PCDHGA7: variants seen among roughly 807,000 people sequenced by gnomAD.
PCDHGA7 encodes protocadherin gamma subfamily A, 7, also known as protocadherin gamma-A7.
A neutral mutation model predicts 58.3 loss-of-function variants in PCDHGA7; 44 were observed. The observed-to-expected ratio is 0.75, with a 90% CI of 0.59 to 0.97. The LOEUF is 0.97. Among genes scored for constraint, PCDHGA7 ranks in the 50% least tolerant of loss-of-function variants. The pLI, the probability that PCDHGA7 is intolerant of heterozygous loss-of-function variation, is 0.00. For missense variants in PCDHGA7, 1,266 were observed against 1,188.7 expected, an observed-to-expected ratio of 1.06 and a Z score of -0.96; for synonymous variants, 516 against 504.2, an observed-to-expected ratio of 1.02 and a Z score of -0.31.
chr5:141,459,993 G>T (rs1320315247), intron 1 of PCDHGA7, among the ~76,000 whole-genome samples: 1 of 152,164 alleles, frequency 6.6e-6, no homozygotes, highest in African/African-American at 2.4e-5. Context: ...CAGGAGAATC[G>T]CTTGAACCCA....
At chr5:141,389,405 G>T (rs758428464) in intron 1 of PCDHGA7, 1 of 1,613,496 alleles carries the variant, frequency 6.2e-7, no homozygotes, top group South Asian at 1.1e-5. Context: ...CCATAAGCGC[G>T]GAGAGCGGGG....
At chr5:141,498,194 T>C (rs1014641829) in intron 2 of PCDHGA7, among the ~76,000 whole-genome samples, 16 of 152,254 alleles carry the variant, frequency 1.1e-4, no homozygotes, top group African/African-American at 3.6e-4. Context: ...ATTAACCAGC[T>C]AAAGAAAAGA....
Position 141,415,396 on chromosome 5 carries a change from G to A in PCDHGA7, c.2424+30073G>A, listed in dbSNP as rs11575962. 4,865 of 1,614,204 alleles carry A rather than the reference G, an allele frequency of 3.0e-3. 27 individuals are homozygous for A. The highest frequency in any genetic ancestry group is 0.011 in the Admixed American group (656 of 60,024). ...AGGAGGCGGCTTGACAGGTGTGTCC[G>A]GCTCGCACTTTGTGGGCGTGGACGG... On this transcript the variant is annotated intron_variant, in intron 1 of 3. Coordinates refer to ENST00000518325, the MANE Select transcript of PCDHGA7 (RefSeq NM_018920.4).
At chr5:141,423,874 A>T (rs1264795133) in intron 1 of PCDHGA7, 2 of 1,283,268 alleles carry the variant, frequency 1.6e-6, no homozygotes, top group African/African-American at 3.1e-5. Flanking sequence ...GTCATTTTTC[A>T]ATCTTGGCAT....
chr5:141,480,390 T>C (rs753766736), intron 1 of PCDHGA7, among the ~76,000 whole-genome samples: 14 of 151,350 alleles, frequency 9.3e-5, no homozygotes, highest in Non-Finnish European at 1.9e-4. Flanking sequence ...ACTTCAACCA[T>C]GGCAATAGAG....
At chr5:141,388,580 G>T (rs376569160) in intron 1 of PCDHGA7, 1 of 1,613,868 alleles carries the variant, frequency 6.2e-7, no homozygotes, top group Admixed American at 1.7e-5. Flanking sequence ...ACGTTCTAGT[G>T]ACTGATGCCA....
chr5:141,502,864 G>GGCTTTTTT (rs2099816401), intron 2 of PCDHGA7, among the ~76,000 whole-genome samples: 1 of 61,572 alleles, frequency 1.6e-5, no homozygotes, highest in Non-Finnish European at 3.0e-5. Flanking sequence ...CTGACTCTCT[G>GGCTTTTTT]TCTTTTTTTT....
In PCDHGA7 at chr5:141,431,048, A is replaced by T; in HGVS notation, c.2424+45725A>T. On this transcript the variant is annotated intron_variant, in intron 1 of 3. Transcript: ENST00000518325. This position sits in a 1 kb window ranked among gnomAD's most constrained non-coding sequence, Gnocchi z 4.8. ...CAGGATAGACCGGGAGGAGCTCTGT[A>T]TGGGGGCCATCAAGTGTCAATTAAA... 6.2e-7 allele frequency: 1 copy of T among 1,614,180 alleles called. No homozygotes were observed. The highest frequency in any genetic ancestry group is 1.1e-5 in the South Asian group (1 of 91,088).
chr5:141,417,768 C>A lies in PCDHGA7; in HGVS notation c.2424+32445C>A, dbSNP rs1444250512. On this transcript the variant is annotated intron_variant, in intron 1 of 3. Coordinates refer to ENST00000518325, the MANE Select transcript of PCDHGA7 (RefSeq NM_018920.4). ...ATTGCCAGCTCCGAGACCCGGGACT[C>A]CTCCTGTCCTGGGCCGAATGCTCTT... is the stretch of plus-strand genomic sequence containing the variant. 1.3e-5 allele frequency: 19 copies of A among 1,451,358 alleles called. No individual in the cohort carries two copies. In the South Asian group the frequency reaches 1.7e-4, roughly 13 times the overall value. The allele number at this position is 1,451,358 out of a possible 1,614,324, so 89.9% of individuals were successfully genotyped here. A position where few individuals can be genotyped will look rare whatever the true frequency, so the allele number is the denominator to read the frequency against.
At chr5:141,412,145 C>T (rs1335929166) in intron 1 of PCDHGA7, 1 of 152,210 alleles carries the variant, frequency 6.6e-6, no homozygotes, top group East Asian at 1.9e-4. Context: ...CTGATACAAA[C>T]TGCCTAAGAG....
rs202183643 is a variant in PCDHGA7 at position 141,490,646 on chromosome 5, C to T, written c.2425-4161C>T. 9 of 1,614,186 alleles carry T rather than the reference C, an allele frequency of 5.6e-6. No homozygotes were observed. Among genetic ancestry groups the T allele is most frequent in the African/African-American group, 2.7e-5 (2 of 75,054 alleles). ...GCTTACATCCTAGAAAACCGGCCTC[C>T]GGGCTCCCTTCTTTGCACTGTGGCT... On this transcript the variant is annotated intron_variant, in intron 1 of 3. Transcript: ENST00000518325. The surrounding 1 kb of genome is among the most constrained non-coding windows in gnomAD (Gnocchi z 5.4).
chr5:141,489,208 C>A lies in PCDHGA7; in HGVS notation c.2425-5599C>A. On this transcript the variant is annotated intron_variant, in intron 1 of 3. Coordinates refer to ENST00000518325, the MANE Select transcript of PCDHGA7 (RefSeq NM_018920.4). The surrounding 1 kb of genome is among the most constrained non-coding windows in gnomAD (Gnocchi z 4.5). The stretch of plus-strand genomic sequence containing the variant: ...GGTCTACCTTGGAGACAGGACAGCA[C>A]AGACTTACTCTCCACAAAGGGACTT... 1 of 1,451,152 alleles carries A rather than the reference C, an allele frequency of 6.9e-7. No individual in the cohort carries two copies. The highest frequency in any genetic ancestry group is 9.3e-7 in the Non-Finnish European group (1 of 1,072,112). 89.9% of individuals were successfully genotyped at this position (1,451,152 alleles called of 1,614,324 possible).
At chr5:141,398,437 C>G (rs2093656645) in intron 1 of PCDHGA7, 20 of 1,556,582 alleles carry the variant, frequency 1.3e-5, no homozygotes, top group Non-Finnish European at 1.8e-5. Flanking sequence ...AGCTTGTGCT[C>G]TGGAATTTGA....
intron 1 of PCDHGA7, chr5:141,402,944 G>C (rs1487270083): frequency 2.5e-6 from 4 of 1,592,136 alleles, no homozygotes; most frequent in African/African-American, 1.3e-5. Context: ...ATTCCAAAGC[G>C]AGGCAGCAAT....
chr5:141,438,037 G>A (rs2097925203), intron 1 of PCDHGA7, among the ~76,000 whole-genome samples: 1 of 151,910 alleles, frequency 6.6e-6, no homozygotes, highest in African/African-American at 2.4e-5. Flanking sequence ...CACCATGCCC[G>A]ACCACTTTGA....
At chr5:141,508,123 G>A (rs989767852) in intron 3 of PCDHGA7, 1 of 152,616 alleles carries the variant, frequency 6.6e-6, no homozygotes, top group Non-Finnish European at 1.5e-5. Context: ...GAGGACAGAG[G>A]GAGGTCAGGG....
At chr5:141,399,592 G>A (rs1385029299) in intron 1 of PCDHGA7, 4 of 1,613,880 alleles carry the variant, frequency 2.5e-6, no homozygotes, top group Non-Finnish European at 3.4e-6. Flanking sequence ...CTCTATCATG[G>A]CCAGCGACCT....
intron 1 of PCDHGA7, among the ~76,000 whole-genome samples, chr5:141,425,915 C>G (rs537499239): frequency 1.3e-5 from 2 of 152,336 alleles, no homozygotes; most frequent in East Asian, 3.9e-4. Context: ...AAAACAGTCA[C>G]TACGAAAACT....
intron 2 of PCDHGA7, among the ~76,000 whole-genome samples, chr5:141,495,550 G>A (rs999176899): frequency 6.6e-6 from 1 of 151,958 alleles, no homozygotes; most frequent in Non-Finnish European, 1.5e-5. Context: ...TCTCTATCTC[G>A]CTTTGCAATC....
Sources: gnomAD v4.1 joint callset for allele counts (sites outside exome capture counted in the v4.1 genomes callset) on GRCh38, gnomAD v4.1.1 for gene constraint, Gnocchi (gnomAD v3.1) non-coding constraint, MANE v1.5 for transcripts, NCBI Gene and HGNC (gene_info 2026-07-23, HGNC 2026-07-21) for gene names.